CNTN5: variants seen among roughly 807,000 people sequenced by gnomAD.
The protein encoded by CNTN5 is contactin 5.
In CNTN5, 77 loss-of-function variants were observed where a neutral mutation model predicts 129.1. That is an observed-to-expected ratio of 0.60 (90% CI 0.50 to 0.72). The LOEUF (loss-of-function observed/expected upper bound fraction) is 0.72. CNTN5 is among the 30% of genes least tolerant of loss of function. CNTN5 has a pLI of 0.00. For missense variants in CNTN5, 1,478 were observed against 1,328.8 expected (o/e 1.11, Z -1.75); for synonymous variants, 509 against 465.6 (o/e 1.09, Z -1.20).
At chr11:100,058,333 A>G (rs759675907) in intron 9 of CNTN5, among the ~76,000 whole-genome samples, 6 of 152,110 alleles carry the variant, frequency 3.9e-5, no homozygotes, top group Non-Finnish European at 8.8e-5. Context: ...AAGTTGATAC[A>G]GAATACAGAA....
chr11:99,161,433 C>A (rs1166267510), intron 1 of CNTN5, among the ~76,000 whole-genome samples: 2 of 151,602 alleles, frequency 1.3e-5, no homozygotes, highest in African/African-American at 2.4e-5. Context: ...ACAGTTCTGG[C>A]CAAGGAGATA....
At chr11:99,263,353 T>C (rs1255890747) in intron 1 of CNTN5, among the ~76,000 whole-genome samples, 1 of 152,154 alleles carries the variant, frequency 6.6e-6, no homozygotes, top group Admixed American at 6.6e-5. Context: ...TTGAGCTTTA[T>C]CGTCTTCAAA....
chr11:99,705,233 T>G (rs1291808477), intron 3 of CNTN5, among the ~76,000 whole-genome samples: 1 of 151,344 alleles, frequency 6.6e-6, no homozygotes, highest in East Asian at 1.9e-4. Context: ...ACTCCCTTTA[T>G]AAGTCCTTCT....
rs981618285 is a variant in CNTN5, at chr11:99,613,330, G to A, written c.55+57061G>A. The stretch of plus-strand genomic sequence containing the variant: ...TAAGGGGCTCTTCCCGGCTTCGCTG[G>A]GCCTGTCTTCTTCCTGCAGTCTTGG... On this transcript the variant is annotated intron_variant, in intron 3 of 24. Coordinates refer to ENST00000524871, the MANE Select transcript of CNTN5 (RefSeq NM_014361.4). 4.9e-4 allele frequency among the ~76,000 whole-genome samples: 74 copies of A among 152,172 alleles called. 1 individual carries two copies. Among genetic ancestry groups the A allele is most frequent in the South Asian group, 1.2e-3 (6 of 4,812 alleles).
intron 13 of CNTN5, among the ~76,000 whole-genome samples, chr11:100,142,979 A>T (rs2138265035): frequency 6.6e-6 from 1 of 152,300 alleles, no homozygotes; most frequent in Non-Finnish European, 1.5e-5. Flanking sequence ...GTATAAAATT[A>T]TCTTCAGGCT....
intron 7 of CNTN5, among the ~76,000 whole-genome samples, chr11:99,950,867 A>G (rs1309523982): frequency 1.3e-5 from 2 of 152,180 alleles, no homozygotes; most frequent in East Asian, 3.9e-4. Context: ...ATATAATGAT[A>G]AAATATAGGC....
chr11:99,596,522 A>G (rs542679940), intron 3 of CNTN5, among the ~76,000 whole-genome samples: 4 of 152,318 alleles, frequency 2.6e-5, no homozygotes, highest in African/African-American at 9.6e-5. Context: ...AGATTTAGGG[A>G]AAAAGCTCAT....
chr11:99,679,193 A>G (rs1322506907), intron 3 of CNTN5, among the ~76,000 whole-genome samples: 1 of 131,212 alleles, frequency 7.6e-6, no homozygotes, highest in Non-Finnish European at 1.6e-5. Context: ...TTTTATATAT[A>G]GGGAATATAT....
At chr11:99,400,594 C>T (rs7107434) in intron 2 of CNTN5, among the ~76,000 whole-genome samples, 5,012 of 151,970 alleles carry the variant, frequency 0.033, 269 homozygotes, top group African/African-American at 0.11. Flanking sequence ...GGATATAGTC[C>T]CAGTGGTGGA....
At chr11:100,245,870 T>C (rs1949830601) in intron 16 of CNTN5, among the ~76,000 whole-genome samples, 1 of 152,172 alleles carries the variant, frequency 6.6e-6, no homozygotes, top group African/African-American at 2.4e-5. Context: ...CTTTTCATTT[T>C]TGGAAAAGGG....
intron 1 of CNTN5, among the ~76,000 whole-genome samples, chr11:99,309,509 C>T (rs1865016655): frequency 6.6e-6 from 1 of 152,216 alleles, no homozygotes; most frequent in African/African-American, 2.4e-5. Context: ...CAGCTGCTGC[C>T]TTGTGAACTT....
chr11:99,644,144 A>C (rs1368347913), intron 3 of CNTN5, among the ~76,000 whole-genome samples: 1 of 134,394 alleles, frequency 7.4e-6, no homozygotes, highest in Non-Finnish European at 1.6e-5. Context: ...ACTTGTAAAT[A>C]TCATTTCCAA....
chr11:99,066,168 A>G (rs1865094471), intron 1 of CNTN5, among the ~76,000 whole-genome samples: 1 of 152,152 alleles, frequency 6.6e-6, no homozygotes. Flanking sequence ...CAATAGCACA[A>G]TCTCAGCTCA....
intron 8 of CNTN5, among the ~76,000 whole-genome samples, chr11:99,983,825 G>A (rs1360063132): frequency 6.6e-6 from 1 of 152,090 alleles, no homozygotes; most frequent in African/African-American, 2.4e-5. Flanking sequence ...AAATTAGGAA[G>A]GCATCAGAAA....
chr11:100,334,070 C>A (rs368630081), intron 21 of CNTN5, among the ~76,000 whole-genome samples: 1 of 151,978 alleles, frequency 6.6e-6, no homozygotes, highest in South Asian at 2.1e-4. Context: ...CTACAGAGAA[C>A]TCAAGTCAGC....
At chr11:99,729,431 T>C (rs979278850) in intron 3 of CNTN5, among the ~76,000 whole-genome samples, 7 of 152,200 alleles carry the variant, frequency 4.6e-5, no homozygotes, top group African/African-American at 7.2e-5. Context: ...TAGTTATTTT[T>C]TTCTGCTCCT....
intron 18 of CNTN5, among the ~76,000 whole-genome samples, chr11:100,294,931 G>A (rs1305777178): frequency 6.6e-6 from 1 of 151,618 alleles, no homozygotes; most frequent in African/African-American, 2.4e-5. Flanking sequence ...TTAGCTGCAT[G>A]TAATTAGGAA....
chr11:100,312,725 A>G (rs150041480), intron 21 of CNTN5, among the ~76,000 whole-genome samples: 2,301 of 152,156 alleles, frequency 0.015, 29 homozygotes, highest in Admixed American at 0.025. Flanking sequence ...TTTTCTAGCC[A>G]TAATTTTAAC....
At chr11:99,866,725 T>C (rs755465800) in intron 6 of CNTN5, among the ~76,000 whole-genome samples, 4 of 152,236 alleles carry the variant, frequency 2.6e-5, no homozygotes, top group Non-Finnish European at 5.9e-5. Flanking sequence ...TTGTGACCAT[T>C]GTGAGGAAGT....
Sources: allele counts gnomAD v4.1 joint callset (sites outside exome capture counted in the v4.1 genomes callset), GRCh38; gene constraint gnomAD v4.1.1; transcripts MANE v1.5; gene names NCBI Gene and HGNC (gene_info 2026-07-23, HGNC 2026-07-21).